FAT3: variants seen among roughly 807,000 people sequenced by gnomAD.
FAT3 encodes protocadherin Fat 3.
In FAT3, 95 loss-of-function variants were observed where a neutral mutation model predicts 310.2. The ratio of observed to expected loss-of-function variants is 0.31; its 90% confidence interval spans 0.26 to 0.36. The LOEUF is 0.36. Ranked by LOEUF, FAT3 falls within the 10% of genes least tolerant of loss-of-function variation. The pLI is 1.00. For missense variants in FAT3, 5,408 were observed against 5,715.6 expected (o/e 0.95, Z 1.74); for synonymous variants, 2,314 against 2,192.9 (o/e 1.06, Z -1.54).
chr11:92,793,765 T>A (rs1319860095), intron 9 of FAT3, among the ~76,000 whole-genome samples: 7 of 152,334 alleles, frequency 4.6e-5, no homozygotes, highest in Non-Finnish European at 1.5e-5. Context: ...CTGCAACTTA[T>A]GTCTGTCGTG....
At chr11:92,602,516 A>G (rs914044460) in intron 3 of FAT3, among the ~76,000 whole-genome samples, 6 of 152,244 alleles carry the variant, frequency 3.9e-5, no homozygotes, top group African/African-American at 1.4e-4. Context: ...TGGTGCCAGA[A>G]TTTGAACCCA....
chr11:92,792,740 C>A lies in FAT3; in HGVS notation c.4612-27C>A, dbSNP rs749896969. 3.2e-5 allele frequency: 52 copies of A among 1,606,036 alleles called. 1 individual carries two copies. In the South Asian group the frequency reaches 5.6e-4, roughly 17 times the overall value. Reference sequence around the variant, plus strand: ...TTCTTTGCAATTTAAAATTTGAGTCCCACCACTTCTTGTATTTTGCCTAAA... The same window carrying A: ...TTCTTTGCAATTTAAAATTTGAGTCACACCACTTCTTGTATTTTGCCTAAA... On this transcript the variant is annotated intron_variant, in intron 8 of 27. Coordinates refer to ENST00000525166, the MANE Select transcript of FAT3 (RefSeq NM_001367949.2).
chr11:92,558,336 A>G (rs1955093702), intron 3 of FAT3, among the ~76,000 whole-genome samples: 1 of 152,086 alleles, frequency 6.6e-6, no homozygotes, highest in Admixed American at 6.6e-5. Flanking sequence ...TTACTTTTCA[A>G]GTGGTCTCAG....
intron 3 of FAT3, among the ~76,000 whole-genome samples, chr11:92,694,245 C>A (rs1040502614): frequency 6.6e-6 from 1 of 152,174 alleles, no homozygotes; most frequent in Non-Finnish European, 1.5e-5. Flanking sequence ...GATTTCCTAC[C>A]GATTTCCACT....
chr11:92,346,361 G>A (rs1211212110), intron 1 of FAT3, among the ~76,000 whole-genome samples: 1 of 152,118 alleles, frequency 6.6e-6, no homozygotes. Flanking sequence ...GTAGCTTTTG[G>A]AGTTTGAAAG....
At chr11:92,483,387 G>A (rs2135202026) in intron 2 of FAT3, among the ~76,000 whole-genome samples, 1 of 151,730 alleles carries the variant, frequency 6.6e-6, no homozygotes, top group African/African-American at 2.4e-5. Context: ...CCAGGCTGGA[G>A]TGCAATGGCG....
chr11:92,226,409 G>T (rs1032445922), intron 1 of FAT3, among the ~76,000 whole-genome samples: 3 of 152,062 alleles, frequency 2.0e-5, no homozygotes, highest in Non-Finnish European at 2.9e-5. Flanking sequence ...GTGGGCGGGG[G>T]GTGGCGGGGG....
At position 92,810,058 on chromosome 11, in the gene FAT3, G is replaced by A. The variant is rs1284014190; in HGVS notation, c.9463G>A (p.Ala3155Thr). Reference protein sequence around the residue: ...ATKALLTRVQAVDPDIGINRK... With the variant: ...ATKALLTRVQTVDPDIGINRK... ...CAAGGCTCTGTTGACCAGAGTTCAA[G>A]CCGTGGACCCCGACATTGGTAAGTC... Residue 3155 changes from alanine (A) to threonine (T), a missense_variant, in exon 13 of 28, where the codon GCC becomes ACC. This residue lies in a region of FAT3 where 4,588 missense variants were observed against 4,809.8 expected (regional missense o/e 0.95). Coordinates refer to ENST00000525166, the MANE Select transcript of FAT3 (RefSeq NM_001367949.2). 2.5e-6 allele frequency: 4 copies of A among 1,613,676 alleles called. No individual in the cohort carries two copies. The highest frequency in any genetic ancestry group is 3.4e-6 in the Non-Finnish European group (4 of 1,179,790).
intron 1 of FAT3, among the ~76,000 whole-genome samples, chr11:92,333,707 C>G (rs1443067612): frequency 2.0e-5 from 3 of 151,900 alleles, no homozygotes; most frequent in Non-Finnish European, 4.4e-5. Flanking sequence ...ACTTCTGCCT[C>G]ATAAATATAC....
At chr11:92,503,100 C>T (rs751307639) in intron 2 of FAT3, among the ~76,000 whole-genome samples, 6 of 152,032 alleles carry the variant, frequency 3.9e-5, no homozygotes, top group Non-Finnish European at 8.8e-5. Flanking sequence ...AGGTTCAGTT[C>T]ACAGTCCCTT....
At position 92,734,501 on chromosome 11, in the gene FAT3, G is replaced by A. The variant is rs1395139732; in HGVS notation, c.3670-27355G>A. Reference sequence around the variant, plus strand: ...CAGTATAATGGCATGTTAACTGAACGCTAAAGTCTAAGTAACATTTACTCT... The same window carrying A: ...CAGTATAATGGCATGTTAACTGAACACTAAAGTCTAAGTAACATTTACTCT... On this transcript the variant is annotated intron_variant, in intron 4 of 27. Coordinates refer to ENST00000525166, the MANE Select transcript of FAT3 (RefSeq NM_001367949.2). Among the ~76,000 whole-genome samples the A allele has an allele frequency of 3.9e-5, 6 of 152,136 alleles. 1 individual carries two copies. Among genetic ancestry groups the A allele is most frequent in the Non-Finnish European group, 7.4e-5 (5 of 68,026 alleles).
chr11:92,686,801 A>G (rs964544158), intron 3 of FAT3, among the ~76,000 whole-genome samples: 1 of 152,210 alleles, frequency 6.6e-6, no homozygotes, highest in Admixed American at 6.5e-5. Context: ...GCACACATGC[A>G]TTTTCAAGAC....
At chr11:92,758,435 T>C (rs1192736502) in intron 4 of FAT3, among the ~76,000 whole-genome samples, 1 of 152,186 alleles carries the variant, frequency 6.6e-6, no homozygotes, top group African/African-American at 2.4e-5. Flanking sequence ...GGAGAGGGCA[T>C]TCCATGAAGA....
At chr11:92,857,405 C>T in intron 20 of FAT3, 57 bp downstream of exon 20, 2 of 1,606,420 alleles carry the variant, frequency 1.2e-6, no homozygotes, top group South Asian at 2.2e-5. Flanking sequence ...AACACTTGCC[C>T]TTGAGTAAAT....
intron 3 of FAT3, among the ~76,000 whole-genome samples, chr11:92,670,985 C>T (rs1435458747): frequency 2.0e-5 from 3 of 152,084 alleles, no homozygotes; most frequent in Non-Finnish European, 4.4e-5. Context: ...TTCAAAGCCC[C>T]TGCATGCCCT....
At position 92,594,420 on chromosome 11, in the gene FAT3, T is replaced by C. The variant is rs114922764; in HGVS notation, c.3607+69472T>C. ...TTGCACCACTGCATACCACCCTGAGTGACAGAGTGAGACTGCATCTCAAAA... is the reference window on the plus strand; with the variant it reads ...TTGCACCACTGCATACCACCCTGAGCGACAGAGTGAGACTGCATCTCAAAA... On this transcript the variant is annotated intron_variant, in intron 3 of 27. Coordinates refer to ENST00000525166, the MANE Select transcript of FAT3 (RefSeq NM_001367949.2). 8.9e-3 allele frequency among the ~76,000 whole-genome samples: 1,348 copies of C among 152,244 alleles called. 29 individuals are homozygous for C. The highest frequency in any genetic ancestry group is 0.031 in the African/African-American group (1,283 of 41,548).
At chr11:92,431,266 G>C (rs1160510332) in intron 2 of FAT3, among the ~76,000 whole-genome samples, 1 of 152,224 alleles carries the variant, frequency 6.6e-6, no homozygotes, top group Non-Finnish European at 1.5e-5. Context: ...GGCCAGTGAT[G>C]ATGAGCATTT....
At chr11:92,442,451 A>G (rs1216991845) in intron 2 of FAT3, among the ~76,000 whole-genome samples, 1 of 151,604 alleles carries the variant, frequency 6.6e-6, no homozygotes, top group Non-Finnish European at 1.5e-5. Context: ...ATTTCTAAAT[A>G]GTAATAAAAA....
chr11:92,266,174 A>G (rs1945940628), intron 1 of FAT3, among the ~76,000 whole-genome samples: 1 of 152,154 alleles, frequency 6.6e-6, no homozygotes, highest in Non-Finnish European at 1.5e-5. Flanking sequence ...AATACCAACT[A>G]GTGTTTCATT....
Sources: gnomAD v4.1 joint callset for allele counts (sites outside exome capture counted in the v4.1 genomes callset) on GRCh38, gnomAD v4.1.1 for gene constraint, gnomAD v4.1.1 regional missense constraint, MANE v1.5 for transcripts, NCBI Gene and HGNC (gene_info 2026-07-23, HGNC 2026-07-21) for gene names.